SHISA6: variants seen among roughly 807,000 people sequenced by gnomAD.
The protein encoded by SHISA6 is protein shisa-6.
SHISA6 carries 22 observed loss-of-function variants against 47.9 expected under a neutral mutation model. The ratio of observed to expected loss-of-function variants is 0.46; its 90% confidence interval spans 0.33 to 0.66. The LOEUF (loss-of-function observed/expected upper bound fraction) is 0.66, where lower values mean the gene tolerates loss of function less well. Ranked by LOEUF, SHISA6 falls within the 30% of genes least tolerant of loss-of-function variation. The probability of loss-of-function intolerance (pLI) is 0.02; values close to 1 mark genes in which losing one functional copy is unlikely to be tolerated. For missense variants in SHISA6, 680 were observed against 764.6 expected, an observed-to-expected ratio of 0.89 and a Z score of 1.30; for synonymous variants, 388 against 337.8, an observed-to-expected ratio of 1.15 and a Z score of -1.63.
At chr17:11,454,684 A>G (rs1915488769) in intron 3 of SHISA6, among the ~76,000 whole-genome samples, 2 of 152,186 alleles carry the variant, frequency 1.3e-5, no homozygotes, top group Non-Finnish European at 2.9e-5. Context: ...CCTAGTCTAA[A>G]TGCCACTTTC....
intron 1 of SHISA6, among the ~76,000 whole-genome samples, 198 bp from the exon 2 acceptor site, chr17:11,263,168 C>A (rs942925252): frequency 6.6e-6 from 1 of 152,186 alleles, no homozygotes; most frequent in Non-Finnish European, 1.5e-5. Context: ...TTAGTCTGTA[C>A]CTCCAGGCAT....
At chr17:11,499,251 G>T (rs1394780349) in intron 3 of SHISA6, among the ~76,000 whole-genome samples, 1 of 152,178 alleles carries the variant, frequency 6.6e-6, no homozygotes, top group African/African-American at 2.4e-5. Flanking sequence ...TGACGGGGTG[G>T]CAGTGGCATT....
In SHISA6 at chr17:11,304,413, C is replaced by G. The variant is rs61181339; in HGVS notation, c.799+40887C>G. On this transcript the variant is annotated intron_variant, in intron 2 of 5. Transcript: ENST00000441885. ...CACCTGCAGTCAAAAGATGACGGCC[C>G]CTGCTTGAGCCTTGCTCTGTGAGGT... is the stretch of plus-strand genomic sequence containing the variant. Among the ~76,000 whole-genome samples, 278 of 152,244 alleles carry G rather than the reference C, an allele frequency of 1.8e-3. 7 individuals carry two copies. In the East Asian group the frequency reaches 0.044, roughly 24 times the overall value.
At chr17:11,557,678 C>T (rs2071994333) in intron 5 of SHISA6, 76 bp from the exon 6 acceptor site, 4 of 1,379,184 alleles carry the variant, frequency 2.9e-6, no homozygotes, top group Non-Finnish European at 9.7e-7. Flanking sequence ...GGAGCAGGAG[C>T]GGGGCAGGGT....
intron 3 of SHISA6, among the ~76,000 whole-genome samples, chr17:11,494,057 C>T (rs1175563269): frequency 6.6e-6 from 1 of 152,100 alleles, no homozygotes; most frequent in East Asian, 1.9e-4. Context: ...AGTCCTCATT[C>T]ACATTGTTAT....
chr17:11,282,474 GTGCCA>G (rs1343007125), intron 2 of SHISA6, among the ~76,000 whole-genome samples: 2 of 151,710 alleles, frequency 1.3e-5, no homozygotes, highest in Non-Finnish European at 2.9e-5. Context: ...AGGTATACAT[GTGCCA>G]TGTTGGTTTG....
At chr17:11,546,974 G>T (rs906379815) in intron 3 of SHISA6, among the ~76,000 whole-genome samples, 2 of 151,994 alleles carry the variant, frequency 1.3e-5, no homozygotes, top group Admixed American at 6.5e-5. Context: ...ATTTAATGTC[G>T]ATAAATGGTA....
chr17:11,456,357 G>A (rs1485636395), intron 3 of SHISA6, among the ~76,000 whole-genome samples: 1 of 152,116 alleles, frequency 6.6e-6, no homozygotes, highest in East Asian at 1.9e-4. Flanking sequence ...CTTCCTAAGT[G>A]CCTTCCAGAG....
chr17:11,303,686 G>A (rs1200636640), intron 2 of SHISA6, among the ~76,000 whole-genome samples: 2 of 152,164 alleles, frequency 1.3e-5, no homozygotes, highest in African/African-American at 2.4e-5. Flanking sequence ...CATCAGGCCT[G>A]GTGCTCTCAA....
At chr17:11,464,665 GGGCACGGT>G (rs1403962813) in intron 3 of SHISA6, among the ~76,000 whole-genome samples, 1 of 152,138 alleles carries the variant, frequency 6.6e-6, no homozygotes, top group Non-Finnish European at 1.5e-5. Context: ...ATCCCTGGCC[GGGCACGGT>G]GGCTCACGCC....
chr17:11,283,687 G>A (rs1183336238), intron 2 of SHISA6, among the ~76,000 whole-genome samples: 1 of 152,294 alleles, frequency 6.6e-6, no homozygotes, highest in East Asian at 1.9e-4. Context: ...GTCATGTAAC[G>A]TTGCAGATGC....
intron 3 of SHISA6, among the ~76,000 whole-genome samples, chr17:11,399,917 T>G (rs766972909): frequency 6.6e-6 from 1 of 152,218 alleles, no homozygotes; most frequent in Non-Finnish European, 1.5e-5. Context: ...AAGGGTTTTA[T>G]TTTAGTCTTC....
At chr17:11,516,930 C>G (rs191219639) in intron 3 of SHISA6, among the ~76,000 whole-genome samples, 1 of 152,168 alleles carries the variant, frequency 6.6e-6, no homozygotes, top group East Asian at 1.9e-4. Flanking sequence ...CCTTCTGGTA[C>G]AAGTATTGTG....
intron 3 of SHISA6, among the ~76,000 whole-genome samples, chr17:11,472,577 G>A (rs1303423721): frequency 6.6e-6 from 1 of 152,156 alleles, no homozygotes; most frequent in Admixed American, 6.5e-5. Flanking sequence ...ACCTACTGAA[G>A]GACATCTTAG....
chr17:11,556,139 C>T (rs1201793873), intron 5 of SHISA6, among the ~76,000 whole-genome samples: 9 of 152,170 alleles, frequency 5.9e-5, no homozygotes, highest in African/African-American at 2.2e-4. Context: ...AGGAGACGGC[C>T]TTCCAATTCA....
At chr17:11,320,668 A>AG (rs1567571857) in intron 2 of SHISA6, among the ~76,000 whole-genome samples, 13 of 148,404 alleles carry the variant, frequency 8.8e-5, no homozygotes, top group South Asian at 2.1e-4. Context: ...CCAAAAAAAA[A>AG]AAGAGAGAGA....
At position 11,374,222 on chromosome 17, in the gene SHISA6, A is replaced by AT. The variant is rs532183576; in HGVS notation, c.800-5185dup. On this transcript the variant is annotated intron_variant, in intron 2 of 5. Transcript: ENST00000441885. ...AGTCGCCTATGCATTTCTTTTCCCT[A>AT]TTTTTTTAATTGGGTTGTTTACTTT... Among the ~76,000 whole-genome samples the AT allele has an allele frequency of 6.5e-4, 98 of 151,352 alleles. 2 individuals are homozygous for AT. In the South Asian group the frequency reaches 0.02, roughly 30 times the overall value.
chr17:11,383,113 T>C (rs886246660), intron 3 of SHISA6, among the ~76,000 whole-genome samples: 5 of 151,932 alleles, frequency 3.3e-5, no homozygotes, highest in African/African-American at 1.2e-4. Context: ...AATTTTTGTA[T>C]TTTTAGTAGA....
rs1385945080 is a variant in SHISA6 at position 11,559,857 on chromosome 17, C to T, written c.*1553C>T. 2.0e-5 allele frequency: 3 copies of T among 152,198 alleles called. No individual in the cohort carries two copies. Among genetic ancestry groups the T allele is most frequent in the Non-Finnish European group, 4.4e-5 (3 of 68,106 alleles). 9.4% of individuals were successfully genotyped at this position (152,198 alleles called of 1,614,324 possible). A position where few individuals can be genotyped will look rare whatever the true frequency, so the allele number is the denominator to read the frequency against. ...GACAGTGAATTCAGCAGCATCCGCT[C>T]CCCCAAGACCAGAGAGCCTGGTGGG... On this transcript the variant is annotated 3_prime_UTR_variant, in exon 6 of 6. Coordinates refer to ENST00000441885, the MANE Select transcript of SHISA6 (RefSeq NM_207386.4). The surrounding 1 kb of genome is among the most constrained non-coding windows in gnomAD (Gnocchi z 4.4).
Sources: gnomAD v4.1 joint callset for allele counts (sites outside exome capture counted in the v4.1 genomes callset) on GRCh38, gnomAD v4.1.1 for gene constraint, Gnocchi (gnomAD v3.1) non-coding constraint, MANE v1.5 for transcripts, NCBI Gene and HGNC (gene_info 2026-07-23, HGNC 2026-07-21) for gene names.